The following THSD7B variants were observed in gnomAD, a reference collection of about 807,000 sequenced individuals.
THSD7B encodes the protein thrombospondin type-1 domain-containing protein 7B.
Under a neutral mutation model 213.6 loss-of-function variants are expected in THSD7B, and 138 were observed. That is an observed-to-expected ratio of 0.65 (90% CI 0.56 to 0.74). THSD7B has a LOEUF of 0.74. Among genes scored for constraint, THSD7B ranks in the 30% least tolerant of loss-of-function variants. The pLI is 0.00. For missense variants in THSD7B, 1,931 were observed against 1,991.5 expected (o/e 0.97, Z 0.58); for synonymous variants, 742 against 687.0 (o/e 1.08, Z -1.25).
At chr2:136,871,861 T>C (rs1176624808) in intron 1 of THSD7B, among the ~76,000 whole-genome samples, 1 of 152,144 alleles carries the variant, frequency 6.6e-6, no homozygotes, top group Non-Finnish European at 1.5e-5. Flanking sequence ...TTCTATGCAA[T>C]TGCCATCATA....
chr2:137,319,093 A>G (rs994046222), intron 12 of THSD7B, among the ~76,000 whole-genome samples: 2 of 152,104 alleles, frequency 1.3e-5, no homozygotes, highest in Non-Finnish European at 2.9e-5. Context: ...TACTCAGGGT[A>G]TAATACCTCT....
chr2:137,086,506 C>T (rs1189505991), intron 3 of THSD7B, among the ~76,000 whole-genome samples: 7 of 152,194 alleles, frequency 4.6e-5, no homozygotes, highest in Admixed American at 4.6e-4. Flanking sequence ...TATAAAGATG[C>T]TGTGATGCAT....
chr2:136,875,931 A>G (rs1032107743), intron 1 of THSD7B, among the ~76,000 whole-genome samples: 3 of 152,176 alleles, frequency 2.0e-5, no homozygotes, highest in African/African-American at 7.2e-5. Flanking sequence ...TGAACTCATA[A>G]TCCTTTCAAT....
intron 20 of THSD7B, among the ~76,000 whole-genome samples, chr2:137,630,185 G>T (rs899947257): frequency 1.3e-5 from 2 of 152,016 alleles, no homozygotes; most frequent in Non-Finnish European, 2.9e-5. Flanking sequence ...GTAGAAACTG[G>T]GTTATGCCAT....
chr2:137,238,096 C>G (rs1212308057), intron 9 of THSD7B, among the ~76,000 whole-genome samples: 5 of 152,030 alleles, frequency 3.3e-5, no homozygotes, highest in African/African-American at 1.2e-4. Context: ...TGAGTGATGC[C>G]AGGAAAGGGT....
At chr2:137,216,316 A>C (rs1354737404) in intron 7 of THSD7B, among the ~76,000 whole-genome samples, 6 of 130,472 alleles carry the variant, frequency 4.6e-5, no homozygotes, top group African/African-American at 1.7e-4. Flanking sequence ...TAGTGAAGAA[A>C]ATTGAAGAAT....
In THSD7B at chr2:136,889,799, T is replaced by A. The variant is rs913759569; in HGVS notation, c.139+7482T>A. ...TCCCCCTGCACAGCCTGCATAGTCA[T>A]CATCTGTGGAACATCCTTTTGCTCT... On this transcript the variant is annotated intron_variant, in intron 2 of 27. Transcript: ENST00000409968. Among the ~76,000 whole-genome samples, 5 of 152,184 alleles carry A rather than the reference T, an allele frequency of 3.3e-5. No individual in the cohort carries two copies. In the South Asian group the frequency reaches 1.0e-3, roughly 32 times the overall value.
chr2:137,445,625 G>A (rs952319466), intron 14 of THSD7B, among the ~76,000 whole-genome samples: 5 of 151,832 alleles, frequency 3.3e-5, no homozygotes, highest in Non-Finnish European at 5.9e-5. Context: ...TAGTAGGGAG[G>A]GAAGAGGAAA....
chr2:137,071,685 G>C lies in THSD7B; in HGVS notation c.950+14455G>C, dbSNP rs937043416. ...AGGTTTTAGGTGTTGCCTATGTCCT[G>C]AATGATATTGCCTAGGTATTGCCTA... On this transcript the variant is annotated intron_variant, in intron 3 of 27. Coordinates refer to ENST00000409968, the MANE Select transcript of THSD7B (RefSeq NM_001316349.2). 4.5e-4 allele frequency among the ~76,000 whole-genome samples: 68 copies of C among 152,222 alleles called. 1 individual carries two copies. Among genetic ancestry groups the C allele is most frequent in the African/African-American group, 1.6e-3 (68 of 41,548 alleles).
rs559910804 is a variant in THSD7B, at chr2:137,193,145, G to A, written c.1723+22207G>A. On this transcript the variant is annotated intron_variant, in intron 7 of 27. Coordinates refer to ENST00000409968, the MANE Select transcript of THSD7B (RefSeq NM_001316349.2). ...CCAGCGCTTTCCAGACCTCTCCACC[G>A]TCCAGTAACCTGATGAGTCACCCTG... 1.5e-3 allele frequency among the ~76,000 whole-genome samples: 231 copies of A among 152,166 alleles called. No individual in the cohort carries two copies. In the Middle Eastern group the frequency reaches 0.02, roughly 13 times the overall value.
chr2:137,306,433 T>C (rs1683746933), intron 12 of THSD7B, among the ~76,000 whole-genome samples: 1 of 152,138 alleles, frequency 6.6e-6, no homozygotes, highest in Admixed American at 6.5e-5. Flanking sequence ...GCCTTTTTCA[T>C]TCCTTTTTCT....
At chr2:137,284,518 C>T (rs1011409870) in intron 12 of THSD7B, among the ~76,000 whole-genome samples, 1 of 152,064 alleles carries the variant, frequency 6.6e-6, no homozygotes, top group Non-Finnish European at 1.5e-5. Flanking sequence ...ATCTTTCCTG[C>T]TTTCTCTTGT....
intron 15 of THSD7B, among the ~76,000 whole-genome samples, chr2:137,534,155 T>C (rs558329131): frequency 6.6e-6 from 1 of 151,796 alleles, no homozygotes; most frequent in South Asian, 2.1e-4. Context: ...TTGCCTTTGA[T>C]CTAGGTTTAT....
intron 3 of THSD7B, among the ~76,000 whole-genome samples, chr2:137,088,492 G>A (rs1687884473): frequency 6.6e-6 from 1 of 151,622 alleles, no homozygotes; most frequent in Non-Finnish European, 1.5e-5. Context: ...GATGGATTAA[G>A]GACTTAAATC....
chr2:137,109,682 G>C (rs987264157), intron 4 of THSD7B, among the ~76,000 whole-genome samples: 1 of 152,114 alleles, frequency 6.6e-6, no homozygotes, highest in Non-Finnish European at 1.5e-5. Flanking sequence ...TGCTGCTGCT[G>C]ATCTAACAGG....
At chr2:137,509,032 A>AT (rs1679902560) in intron 15 of THSD7B, among the ~76,000 whole-genome samples, 1 of 152,140 alleles carries the variant, frequency 6.6e-6, no homozygotes, top group African/African-American at 2.4e-5. Flanking sequence ...GTTGACACTA[A>AT]TTCCTGAAGG....
intron 17 of THSD7B, among the ~76,000 whole-genome samples, chr2:137,608,276 C>T (rs1045335081): frequency 6.6e-6 from 1 of 152,082 alleles, no homozygotes; most frequent in African/African-American, 2.4e-5. Flanking sequence ...TGTCTGTTCC[C>T]TCTCTTTCCC....
At chr2:137,391,627 TGG>T (rs1328638863) in intron 12 of THSD7B, among the ~76,000 whole-genome samples, 3 of 151,186 alleles carry the variant, frequency 2.0e-5, no homozygotes, top group Non-Finnish European at 4.4e-5. Flanking sequence ...GCGGAGGTTG[TGG>T]TGAGTTGAGA....
rs559968561 is a variant in THSD7B, at chr2:136,789,126, G to A, written c.-36+23439G>A. Reference sequence around the variant, plus strand: ...GGATGTTTAAAATCACTAATTAAAGGGATATTATTGCAAGGATTGAATAAT... The same window carrying A: ...GGATGTTTAAAATCACTAATTAAAGAGATATTATTGCAAGGATTGAATAAT... On this transcript the variant is annotated intron_variant, in intron 1 of 27. Transcript: ENST00000409968. 7.4e-4 allele frequency among the ~76,000 whole-genome samples: 112 copies of A among 151,958 alleles called. 1 individual carries two copies. The highest frequency in any genetic ancestry group is 6.3e-4 in the South Asian group (3 of 4,800).
Sources: gnomAD v4.1 joint callset for allele counts (sites outside exome capture counted in the v4.1 genomes callset) on GRCh38, gnomAD v4.1.1 for gene constraint, MANE v1.5 for transcripts, NCBI Gene and HGNC (gene_info 2026-07-23, HGNC 2026-07-21) for gene names.